Variants in SCHIP1 observed in about 807,000 individuals in gnomAD.
The protein encoded by SCHIP1 is schwannomin-interacting protein 1.
SCHIP1 carries 8 observed loss-of-function variants against 29.7 expected under a neutral mutation model. That is an observed-to-expected ratio of 0.27 (90% CI 0.16 to 0.49). The LOEUF is 0.49. Ranked by LOEUF, SCHIP1 falls within the 20% of genes least tolerant of loss-of-function variation. The pLI is 0.99. For synonymous variants in SCHIP1, 76 were observed against 94.9 expected (o/e 0.80, Z 1.16); for missense variants, 193 against 294.6 (o/e 0.66, Z 2.52).
chr3:159,764,875 G>T, the SCHIP1 span: 4 of 1,580,222 alleles, frequency 2.5e-6, no homozygotes, highest in Non-Finnish European at 3.4e-6. This position sits in a 1 kb window ranked among gnomAD's most constrained non-coding sequence, Gnocchi z 6.1. Flanking sequence ...CAATGGCAAC[G>T]TGGTGGTGGC....
At chr3:159,290,717 C>T in the SCHIP1 span, among the ~76,000 whole-genome samples, 1 of 151,918 alleles carries the variant, frequency 6.6e-6, no homozygotes, top group Admixed American at 6.6e-5. Context: ...GAATACAGAA[C>T]TACAAGGAAA....
the SCHIP1 span, among the ~76,000 whole-genome samples, chr3:159,307,760 G>A: frequency 9.8e-3 from 1,490 of 152,254 alleles, 27 homozygotes; most frequent in African/African-American, 0.034. Flanking sequence ...TATGGTGGAA[G>A]GTAGGGGTCT....
the SCHIP1 span, among the ~76,000 whole-genome samples, chr3:159,666,094 C>T: frequency 1.3e-5 from 2 of 152,182 alleles, no homozygotes; most frequent in Non-Finnish European, 2.9e-5. Context: ...AGCCACCTCC[C>T]CTCCAAATAA....
At chr3:159,758,135 T>G in the SCHIP1 span, among the ~76,000 whole-genome samples, 1 of 152,170 alleles carries the variant, frequency 6.6e-6, no homozygotes, top group Non-Finnish European at 1.5e-5. Flanking sequence ...AAAAGTAAGT[T>G]CAGAGTTACT....
At chr3:159,476,966 C>T in the SCHIP1 span, among the ~76,000 whole-genome samples, 1 of 152,064 alleles carries the variant, frequency 6.6e-6, no homozygotes, top group African/African-American at 2.4e-5. Flanking sequence ...CTTCCCCAGC[C>T]TCTGGTAACC....
At chr3:159,645,355 A>G in the SCHIP1 span, among the ~76,000 whole-genome samples, 1 of 152,156 alleles carries the variant, frequency 6.6e-6, no homozygotes, top group Non-Finnish European at 1.5e-5. Flanking sequence ...CAACTAGCCA[A>G]AAAGTGCTTA....
At chr3:159,292,896 C>G in the SCHIP1 span, among the ~76,000 whole-genome samples, 5 of 152,060 alleles carry the variant, frequency 3.3e-5, no homozygotes, top group Admixed American at 1.3e-4. Flanking sequence ...TCTAAAAGCA[C>G]TAGTCTTTCT....
the SCHIP1 span, among the ~76,000 whole-genome samples, chr3:159,539,030 A>C: frequency 6.6e-6 from 1 of 152,100 alleles, no homozygotes; most frequent in Non-Finnish European, 1.5e-5. Context: ...CCCTCCAAAC[A>C]GTATCTATCC....
the SCHIP1 span, among the ~76,000 whole-genome samples, chr3:159,750,292 TATATACAC>T: frequency 5.9e-5 from 8 of 136,228 alleles, no homozygotes; most frequent in African/African-American, 2.3e-4. Context: ...TATATATATA[TATATACAC>T]ACACACACAC....
chr3:159,523,861 C>A, the SCHIP1 span, among the ~76,000 whole-genome samples: 1 of 152,222 alleles, frequency 6.6e-6, no homozygotes, highest in African/African-American at 2.4e-5. Context: ...TCCTACAGCT[C>A]AATCACACAG....
At chr3:159,648,329 C>CA in the SCHIP1 span, among the ~76,000 whole-genome samples, 1 of 152,140 alleles carries the variant, frequency 6.6e-6, no homozygotes. Context: ...ACCCTGGGGT[C>CA]AGGCTGACCT....
At chr3:159,866,209 G>C in exon 2 of SCHIP1, 1 of 1,613,574 alleles carries the variant, frequency 6.2e-7, no homozygotes, top group East Asian at 2.2e-5. Context: ...TTGGCACTTG[G>C]AAGCTTCTTT....
chr3:159,377,814 C>G, the SCHIP1 span, among the ~76,000 whole-genome samples: 1 of 152,068 alleles, frequency 6.6e-6, no homozygotes, highest in Admixed American at 6.6e-5. Flanking sequence ...AATTTATAAA[C>G]CAAAAGAAGG....
the SCHIP1 span, among the ~76,000 whole-genome samples, chr3:159,625,042 G>A: frequency 2.0e-5 from 3 of 152,196 alleles, no homozygotes; most frequent in Non-Finnish European, 4.4e-5. Context: ...AAGAACATGA[G>A]AACAGTGGTC....
chr3:159,626,247 T>G, the SCHIP1 span, among the ~76,000 whole-genome samples: 13 of 110,758 alleles, frequency 1.2e-4, no homozygotes, highest in South Asian at 5.4e-4. Flanking sequence ...TATCTATCTA[T>G]CTATATAGAT....
At chr3:159,470,519 G>A in the SCHIP1 span, among the ~76,000 whole-genome samples, 3 of 152,092 alleles carry the variant, frequency 2.0e-5, no homozygotes, top group Non-Finnish European at 4.4e-5. Flanking sequence ...AATGGGCCCA[G>A]TAATAATCTC....
the SCHIP1 span, among the ~76,000 whole-genome samples, chr3:159,322,970 A>G: frequency 6.6e-5 from 10 of 152,206 alleles, no homozygotes; most frequent in African/African-American, 2.4e-4. Context: ...TTAATGGGCA[A>G]TATCCTCTTT....
intron 1 of SCHIP1, among the ~76,000 whole-genome samples, chr3:159,862,719 G>A (rs1447896872): frequency 6.6e-6 from 1 of 152,138 alleles, no homozygotes. Context: ...TCAGAGAAAA[G>A]AAAGTACAGT....
At chr3:159,359,805 C>T in the SCHIP1 span, among the ~76,000 whole-genome samples, 216 of 152,284 alleles carry the variant, frequency 1.4e-3, 1 homozygote, top group African/African-American at 5.0e-3. Flanking sequence ...CTGAATGCTA[C>T]TCTAAGAAAA....
Sources: gnomAD v4.1 joint callset for allele counts (sites outside exome capture counted in the v4.1 genomes callset) on GRCh38, gnomAD v4.1.1 for gene constraint, Gnocchi (gnomAD v3.1) non-coding constraint, MANE v1.5 for transcripts, NCBI Gene and HGNC (gene_info 2026-07-23, HGNC 2026-07-21) for gene names.